RIN2: variants seen among roughly 807,000 people sequenced by gnomAD.
The protein encoded by RIN2 is RAB5 interacting protein 2.
Under a neutral mutation model 78.0 loss-of-function variants are expected in RIN2, and 36 were observed. That is an observed-to-expected ratio of 0.46 (90% CI 0.35 to 0.61). RIN2 has a LOEUF of 0.61. Among genes scored for constraint, RIN2 ranks in the 20% least tolerant of loss-of-function variants. The pLI is 0.00. For synonymous variants in RIN2, 466 were observed against 466.8 expected (o/e 1.00, Z 0.02); for missense variants, 1,087 against 1,159.7 (o/e 0.94, Z 0.91).
At chr20:19,852,837 T>C (rs2123200389) in intron 2 of RIN2, among the ~76,000 whole-genome samples, 1 of 152,260 alleles carries the variant, frequency 6.6e-6, no homozygotes, top group South Asian at 2.1e-4. Flanking sequence ...GTGCTTTACA[T>C]ATTCATCAAT....
rs1471727775 is a variant in RIN2, at chr20:19,975,235, G to T, written c.1210G>T (p.Ala404Ser). 2 of 1,582,258 alleles carry T rather than the reference G, an allele frequency of 1.3e-6. No homozygotes were observed. The highest frequency in any genetic ancestry group is 8.6e-7 in the Non-Finnish European group (1 of 1,164,614). The change falls in exon 9 of 13, where the codon GCC (alanine) becomes TCC (serine). Residue 404 changes from alanine (A) to serine (S), a missense_variant. Ala to Ser is a moderately conservative substitution (Grantham distance 99). Around this residue, in one of 8 missense-constraint regions of RIN2, gnomAD observed 706 missense variants for 667.5 expected, o/e 1.06. Transcript: ENST00000255006. The surrounding 1 kb of genome is among the most constrained non-coding windows in gnomAD (Gnocchi z 4.9). The stretch of plus-strand genomic sequence containing the variant: ...CCCAGGTGGGGCCCCGCCTGAGGCC[G>T]CCCCGGGGGATTGCACAAGGGCCCC... ...GSPGGAPPEAAPGDCTRAPPP... is the reference protein window; with the variant it reads ...GSPGGAPPEASPGDCTRAPPP...
intron 3 of RIN2, among the ~76,000 whole-genome samples, chr20:19,926,574 A>G (rs931281155): frequency 2.0e-5 from 3 of 152,024 alleles, no homozygotes; most frequent in Non-Finnish European, 4.4e-5. Context: ...GCAGAAGCAC[A>G]TGGTCGAGGG....
chr20:19,808,629 A>G (rs1432980403), intron 2 of RIN2, among the ~76,000 whole-genome samples: 1 of 152,196 alleles, frequency 6.6e-6, no homozygotes, highest in Non-Finnish European at 1.5e-5. Flanking sequence ...TGTTTGTGTC[A>G]GAGACAGAAC....
intron 3 of RIN2, among the ~76,000 whole-genome samples, chr20:19,895,054 T>G (rs564520991): frequency 6.6e-6 from 1 of 152,092 alleles, no homozygotes; most frequent in East Asian, 1.9e-4. Flanking sequence ...ACCCTATCCC[T>G]TACCCCTCCC....
At chr20:19,988,407 G>A (rs1018919095) in intron 9 of RIN2, among the ~76,000 whole-genome samples, 1 of 152,124 alleles carries the variant, frequency 6.6e-6, no homozygotes, top group African/African-American at 2.4e-5. Flanking sequence ...GTCATGAGCC[G>A]CCATGCCTGG....
At chr20:19,927,187 G>T (rs2040259073) in intron 3 of RIN2, among the ~76,000 whole-genome samples, 1 of 152,226 alleles carries the variant, frequency 6.6e-6, no homozygotes, top group Non-Finnish European at 1.5e-5. Flanking sequence ...TCCATTTTAA[G>T]TGTCTTTTAG....
intron 9 of RIN2, among the ~76,000 whole-genome samples, chr20:19,988,846 A>G (rs2042702164): frequency 6.6e-6 from 1 of 152,100 alleles, no homozygotes; most frequent in African/African-American, 2.4e-5. Context: ...CCCTTCACTC[A>G]GATTCCCAAA....
At chr20:19,856,284 T>C (rs2037163789) in intron 2 of RIN2, among the ~76,000 whole-genome samples, 1 of 152,110 alleles carries the variant, frequency 6.6e-6, no homozygotes, top group Non-Finnish European at 1.5e-5. Flanking sequence ...TTCAATAAGA[T>C]TAAAGTAAAT....
intron 2 of RIN2, chr20:19,889,271 T>C (rs1258049721): frequency 9.2e-7 from 1 of 1,084,240 alleles, no homozygotes; most frequent in East Asian, 6.2e-5. Context: ...TCTGTTCACA[T>C]TTCAGCAGGA....
chr20:19,831,692 A>G (rs918131519), intron 2 of RIN2, among the ~76,000 whole-genome samples: 1 of 152,192 alleles, frequency 6.6e-6, no homozygotes, highest in Non-Finnish European at 1.5e-5. Context: ...TATTTAGCAA[A>G]CATTCGTTGA....
intron 1 of RIN2, among the ~76,000 whole-genome samples, chr20:19,769,313 A>G (rs2069126): frequency 0.58 from 88,443 of 152,134 alleles, 26,956 homozygotes; most frequent in East Asian, 0.71. Context: ...AGGACATTGA[A>G]AGCTGTGGGT....
At chr20:19,824,044 T>A (rs1443578786) in intron 2 of RIN2, 13 of 712,308 alleles carry the variant, frequency 1.8e-5, no homozygotes, top group East Asian at 1.1e-4. Context: ...CTGCTCTGCC[T>A]GCTTCTATGG....
chr20:19,890,221 G>A (rs989459118), intron 3 of RIN2, among the ~76,000 whole-genome samples: 1 of 152,146 alleles, frequency 6.6e-6, no homozygotes, highest in Non-Finnish European at 1.5e-5. Flanking sequence ...TCATATTGAT[G>A]TTAATGGGAC....
At chr20:19,886,612 C>CTTTTTTTTTTTTTTT (rs11362637) in intron 2 of RIN2, 17 of 520,966 alleles carry the variant, frequency 3.3e-5, no homozygotes, top group East Asian at 1.1e-4. Context: ...TCTTCTTCTT[C>CTTTTTTTTTTTTTTT]TTTTTTTTTT....
intron 3 of RIN2, among the ~76,000 whole-genome samples, chr20:19,924,526 TTCCC>T (rs1311576236): frequency 2.2e-4 from 1 of 4,446 alleles, no homozygotes. Flanking sequence ...CCCACCTTCG[TTCCC>T]GACCTCTTCA....
chr20:19,819,433 A>G (rs540539952), intron 2 of RIN2, among the ~76,000 whole-genome samples: 1 of 152,340 alleles, frequency 6.6e-6, no homozygotes, highest in South Asian at 2.1e-4. Flanking sequence ...CACAGTGGAG[A>G]TTAGGGCTTT....
intron 9 of RIN2, among the ~76,000 whole-genome samples, chr20:19,989,308 C>T (rs1269511595): frequency 1.5e-5 from 2 of 133,542 alleles, no homozygotes; most frequent in Non-Finnish European, 3.1e-5. Flanking sequence ...GAGTATCACT[C>T]TGTCACCCAG....
At chr20:19,821,869 A>T (rs529707713) in intron 2 of RIN2, among the ~76,000 whole-genome samples, 85 of 152,094 alleles carry the variant, frequency 5.6e-4, no homozygotes, top group Non-Finnish European at 8.7e-4. Context: ...GCATTTTCAC[A>T]TGTCTGTTAT....
rs955573816 is a variant in RIN2 at position 20,000,995 on chromosome 20, C to A, written c.*59C>A. 2.8e-6 allele frequency: 4 copies of A among 1,445,960 alleles called. No individual in the cohort carries two copies. The highest frequency in any genetic ancestry group is 3.7e-5 in the Admixed American group (2 of 54,236). The allele number at this position is 1,445,960 out of a possible 1,614,324, so 89.6% of individuals were successfully genotyped here. On this transcript the variant is annotated 3_prime_UTR_variant, in exon 13 of 13. Coordinates refer to ENST00000255006, the MANE Select transcript of RIN2 (RefSeq NM_018993.4). ...AGGGGAGCTGGAAGCCTTGCCTTCC[C>A]GCTTCTACATGCTTGAGCTTGAAAA... is the stretch of plus-strand genomic sequence containing the variant.
Sources: allele counts gnomAD v4.1 joint callset (sites outside exome capture counted in the v4.1 genomes callset), GRCh38; gene constraint gnomAD v4.1.1; regional missense constraint gnomAD v4.1.1; non-coding constraint Gnocchi (gnomAD v3.1); transcripts MANE v1.5; gene names NCBI Gene and HGNC (gene_info 2026-07-23, HGNC 2026-07-21).